The following WWOX variants were observed in gnomAD, a reference collection of about 807,000 sequenced individuals.
WWOX encodes the protein WW domain containing oxidoreductase.
Under a neutral mutation model 46.2 loss-of-function variants are expected in WWOX, and 69 were observed. The observed-to-expected ratio is 1.49, with a 90% CI of 1.23 to 1.82. The LOEUF (loss-of-function observed/expected upper bound fraction) is 1.82, where lower values mean the gene tolerates loss of function less well. Among genes scored for constraint, WWOX ranks in the 40% most tolerant of loss-of-function variants. WWOX has a pLI of 0.00. For missense variants in WWOX, 919 were observed against 542.6 expected (o/e 1.69, Z -6.89); for synonymous variants, 359 against 202.6 (o/e 1.77, Z -6.56).
At chr16:78,641,967 A>T (rs2046725972) in intron 8 of WWOX, among the ~76,000 whole-genome samples, 1 of 152,182 alleles carries the variant, frequency 6.6e-6, no homozygotes. Flanking sequence ...CTCCCCTTTT[A>T]TCAAGAGCCG....
At chr16:79,006,034 C>G (rs1250288076) in intron 8 of WWOX, among the ~76,000 whole-genome samples, 1 of 152,182 alleles carries the variant, frequency 6.6e-6, no homozygotes, top group East Asian at 1.9e-4. Context: ...ATGTGCTAGG[C>G]CTGGTGCTCA....
At chr16:78,444,821 C>T (rs1234253321) in intron 8 of WWOX, among the ~76,000 whole-genome samples, 2 of 152,176 alleles carry the variant, frequency 1.3e-5, no homozygotes, top group Non-Finnish European at 2.9e-5. Flanking sequence ...TGAGCCACCG[C>T]ACCCGGCCTA....
chr16:78,689,066 C>T (rs1454210830), intron 8 of WWOX, among the ~76,000 whole-genome samples: 4 of 152,152 alleles, frequency 2.6e-5, no homozygotes, highest in African/African-American at 9.7e-5. Context: ...ATAAATTACC[C>T]AGGCTTGCAT....
At chr16:78,729,395 C>A (rs1567520348) in intron 8 of WWOX, among the ~76,000 whole-genome samples, 1 of 151,828 alleles carries the variant, frequency 6.6e-6, no homozygotes, top group Non-Finnish European at 1.5e-5. Context: ...CATGCACATC[C>A]TAATTCCTGT....
At chr16:79,090,607 G>C (rs9936694) in intron 8 of WWOX, among the ~76,000 whole-genome samples, 139 of 152,236 alleles carry the variant, frequency 9.1e-4, no homozygotes, top group African/African-American at 3.0e-3. Flanking sequence ...TATGGCTCTA[G>C]ACAGGGTTCT....
At chr16:79,048,950 G>C (rs559066470) in intron 8 of WWOX, among the ~76,000 whole-genome samples, 8 of 152,246 alleles carry the variant, frequency 5.3e-5, no homozygotes, top group Admixed American at 3.3e-4. Context: ...TTAAACACAG[G>C]TGTCCACTGG....
In WWOX at chr16:78,728,055, CTTTTTTTT is replaced by C. The variant is rs758484198; in HGVS notation, c.1056+295323_1056+295330del. Among the ~76,000 whole-genome samples, 7 of 86,782 alleles carry C rather than the reference CTTTTTTTT, an allele frequency of 8.1e-5. 1 individual carries two copies. The South Asian group carries it at 1.3e-3, about 16-fold the overall frequency. 56.9% of individuals were successfully genotyped at this position (86,782 alleles called of 152,430 possible). ...TTCCTCTTTCCTCTCTCCCTCCTTC[CTTTTTTTT>C]TTTTTTTTTTTTTTTTTTTGAGAAA... On this transcript the variant is annotated intron_variant, in intron 8 of 8. Coordinates refer to ENST00000566780, the MANE Select transcript of WWOX (RefSeq NM_016373.4).
In WWOX at chr16:79,080,624, A is replaced by G. The variant is rs148113361; in HGVS notation, c.1057-130984A>G. ...TGGATGGACTCAATCTGGACCCAGT[A>G]TCTACATTTGGTCCAGTCATCTGTA... On this transcript the variant is annotated intron_variant, in intron 8 of 8. Coordinates refer to ENST00000566780, the MANE Select transcript of WWOX (RefSeq NM_016373.4). 1.3e-3 allele frequency among the ~76,000 whole-genome samples: 196 copies of G among 152,302 alleles called. 1 individual carries two copies. Among genetic ancestry groups the G allele is most frequent in the African/African-American group, 4.5e-3 (186 of 41,562 alleles).
At chr16:78,372,793 C>T (rs2081723710) in intron 5 of WWOX, among the ~76,000 whole-genome samples, 1 of 152,186 alleles carries the variant, frequency 6.6e-6, no homozygotes, top group African/African-American at 2.4e-5. Context: ...GTAGTGGCCA[C>T]ACCAGTCTTT....
At chr16:79,046,233 T>G (rs2048063396) in intron 8 of WWOX, among the ~76,000 whole-genome samples, 1 of 152,250 alleles carries the variant, frequency 6.6e-6, no homozygotes, top group East Asian at 1.9e-4. Flanking sequence ...TTTAGTTCAT[T>G]TTCTCTGCAT....
rs569482509 is a variant in WWOX at position 79,037,545 on chromosome 16, CAG to C, written c.1057-174059_1057-174058del. Among the ~76,000 whole-genome samples, 59 of 152,230 alleles carry C rather than the reference CAG, an allele frequency of 3.9e-4. No individual in the cohort carries two copies. In the South Asian group the frequency reaches 0.012, roughly 31 times the overall value. On this transcript the variant is annotated intron_variant, in intron 8 of 8. Coordinates refer to ENST00000566780, the MANE Select transcript of WWOX (RefSeq NM_016373.4). ...CCAAAGTCACACTGCTGATGAGTGACAGAGACCACATTTAAATCTGTGTGTTT... is the reference window on the plus strand; with the variant it reads ...CCAAAGTCACACTGCTGATGAGTGACAGACCACATTTAAATCTGTGTGTTT...
intron 5 of WWOX, among the ~76,000 whole-genome samples, chr16:78,365,660 TTTAGA>T (rs762684281): frequency 3.3e-5 from 5 of 152,212 alleles, no homozygotes; most frequent in Non-Finnish European, 4.4e-5. Flanking sequence ...ACTGCTGTCG[TTTAGA>T]TTAGGAACAG....
chr16:78,650,390 T>A (rs570378374), intron 8 of WWOX, among the ~76,000 whole-genome samples: 8 of 152,320 alleles, frequency 5.3e-5, no homozygotes, highest in African/African-American at 1.9e-4. Flanking sequence ...CTGTTTCAAA[T>A]GAATACAGAT....
intron 8 of WWOX, among the ~76,000 whole-genome samples, chr16:78,865,533 C>G (rs574885617): frequency 2.0e-5 from 3 of 152,062 alleles, no homozygotes; most frequent in South Asian, 2.1e-4. Context: ...TTTATAATTC[C>G]TTAGATTGCT....
chr16:78,169,493 T>G (rs1039665442), intron 5 of WWOX, among the ~76,000 whole-genome samples: 2 of 118,752 alleles, frequency 1.7e-5, no homozygotes, highest in Non-Finnish European at 3.7e-5. Flanking sequence ...GACCTCTGCA[T>G]GTAAAGAACA....
At chr16:78,918,667 C>T (rs11150114) in intron 8 of WWOX, among the ~76,000 whole-genome samples, 151,995 of 152,312 alleles carry the variant, frequency 1, 75,841 homozygotes, top group Middle Eastern at 1. Flanking sequence ...GAAATCAGCT[C>T]CATCCTGAAA....
chr16:78,953,381 A>G (rs558595870), intron 8 of WWOX, among the ~76,000 whole-genome samples: 3 of 152,298 alleles, frequency 2.0e-5, no homozygotes, highest in East Asian at 3.9e-4. Context: ...ATGCAAATGG[A>G]TGCTGCTAAT....
chr16:78,196,052 G>A (rs561069964), intron 5 of WWOX, among the ~76,000 whole-genome samples: 139 of 152,194 alleles, frequency 9.1e-4, no homozygotes, highest in Non-Finnish European at 1.5e-3. Flanking sequence ...TTATCTCGAT[G>A]ATGGGCCCCA....
In WWOX at chr16:78,470,837, C is replaced by G. The variant is rs909064444; in HGVS notation, c.1056+38085C>G. ...AGTCACCATGCCCGACCAGCAAGAC[C>G]CCACTGCTATTGTCCAGTGTGGTAG... On this transcript the variant is annotated intron_variant, in intron 8 of 8. Transcript: ENST00000566780. 2.6e-5 allele frequency among the ~76,000 whole-genome samples: 4 copies of G among 152,096 alleles called. No homozygotes were observed. The East Asian group carries it at 7.7e-4, about 29-fold the overall frequency.
Sources: gnomAD v4.1 joint callset for allele counts (sites outside exome capture counted in the v4.1 genomes callset) on GRCh38, gnomAD v4.1.1 for gene constraint, MANE v1.5 for transcripts, NCBI Gene and HGNC (gene_info 2026-07-23, HGNC 2026-07-21) for gene names.